The following MACROD2 variants were observed in gnomAD, a reference collection of about 807,000 sequenced individuals.
The protein encoded by MACROD2 is ADP-ribose glycohydrolase MACROD2.
MACROD2 carries 36 observed loss-of-function variants against 70.4 expected under a neutral mutation model. The observed-to-expected ratio is 0.51, with a 90% CI of 0.39 to 0.68. MACROD2 has a LOEUF of 0.68. Among genes scored for constraint, MACROD2 ranks in the 30% least tolerant of loss-of-function variants. The probability of loss-of-function intolerance (pLI) is 0.00; values close to 1 mark genes in which losing one functional copy is unlikely to be tolerated. For missense variants in MACROD2, 496 were observed against 538.4 expected (o/e 0.92, Z 0.78); for synonymous variants, 172 against 178.8 (o/e 0.96, Z 0.30).
At chr20:14,656,010 A>G (rs1415707608) in intron 4 of MACROD2, among the ~76,000 whole-genome samples, 2 of 152,212 alleles carry the variant, frequency 1.3e-5, no homozygotes, top group South Asian at 2.1e-4. Context: ...CGCCTTCTAT[A>G]AATGAGCAAA....
chr20:15,770,000 A>C (rs936023981), intron 8 of MACROD2, among the ~76,000 whole-genome samples: 1 of 151,712 alleles, frequency 6.6e-6, no homozygotes, highest in Non-Finnish European at 1.5e-5. Flanking sequence ...CCCCCCACAC[A>C]TAATGATGTG....
intron 2 of MACROD2, among the ~76,000 whole-genome samples, chr20:14,020,424 G>A (rs1331825814): frequency 6.6e-6 from 1 of 152,114 alleles, no homozygotes; most frequent in Non-Finnish European, 1.5e-5. Flanking sequence ...AGTGAGCCGA[G>A]ATCGCACCCT....
intron 5 of MACROD2, among the ~76,000 whole-genome samples, chr20:14,829,506 C>T (rs1379309625): frequency 6.6e-6 from 1 of 152,058 alleles, no homozygotes; most frequent in Non-Finnish European, 1.5e-5. Context: ...CTCAACACTA[C>T]TCATTTTTTC....
At chr20:14,445,683 C>T (rs1441616731) in intron 3 of MACROD2, among the ~76,000 whole-genome samples, 4 of 152,072 alleles carry the variant, frequency 2.6e-5, no homozygotes, top group Admixed American at 6.5e-5. Context: ...TTTCCTGTTT[C>T]CTTTTTAAAA....
intron 2 of MACROD2, among the ~76,000 whole-genome samples, chr20:14,008,552 G>C (rs112853079): frequency 0.019 from 2,914 of 151,950 alleles, 38 homozygotes; most frequent in Non-Finnish European, 0.032. Flanking sequence ...CCCAAAGCAG[G>C]GTATAGATTC....
rs79359681 is a variant in MACROD2, at chr20:15,467,859, G to A, written c.572-31915G>A. Among the ~76,000 whole-genome samples the A allele has an allele frequency of 7.5e-3, 1,136 of 152,258 alleles. 15 individuals are homozygous for A. Among genetic ancestry groups the A allele is most frequent in the African/African-American group, 0.025 (1,054 of 41,552 alleles). ...GAGAGGAGGCCCTCTGAGAACAGCA[G>A]ACTGCATTCTAATTTGTATGAAGTT... On this transcript the variant is annotated intron_variant, in intron 7 of 17. Coordinates refer to ENST00000684519, the MANE Select transcript of MACROD2 (RefSeq NM_001351661.2).
chr20:14,051,767 A>C (rs1280952447), intron 2 of MACROD2: 1 of 449,852 alleles, frequency 2.2e-6, no homozygotes, highest in South Asian at 1.6e-5. Context: ...ATTGATTAGT[A>C]TCAGAATAGT....
intron 6 of MACROD2, chr20:15,280,887 A>G (rs2077437877): frequency 6.6e-6 from 1 of 152,204 alleles, no homozygotes. Context: ...GTCTGTTCTC[A>G]TGCTGCTATA....
At chr20:14,163,286 G>T (rs2148719018) in intron 3 of MACROD2, among the ~76,000 whole-genome samples, 1 of 152,018 alleles carries the variant, frequency 6.6e-6, no homozygotes, top group South Asian at 2.1e-4. Context: ...AAACTCTTTT[G>T]ACCTGTAAGC....
intron 5 of MACROD2, among the ~76,000 whole-genome samples, chr20:15,142,986 C>A (rs2076203665): frequency 6.6e-6 from 1 of 152,040 alleles, no homozygotes; most frequent in African/African-American, 2.4e-5. Context: ...GTGCATGTGT[C>A]TTTATAGCAG....
intron 13 of MACROD2, among the ~76,000 whole-genome samples, chr20:15,982,168 C>T (rs1262381861): frequency 6.6e-5 from 10 of 152,090 alleles, no homozygotes; most frequent in Admixed American, 2.6e-4. Context: ...ACTTTAAAGA[C>T]TGTGATCATG....
chr20:15,633,374 A>G (rs1228849242), intron 8 of MACROD2, among the ~76,000 whole-genome samples: 1 of 152,226 alleles, frequency 6.6e-6, no homozygotes, highest in South Asian at 2.1e-4. Context: ...AGATATAAAT[A>G]ACAATGCCAG....
chr20:15,995,084 A>AT (rs11476031), intron 15 of MACROD2, among the ~76,000 whole-genome samples: 4 of 151,900 alleles, frequency 2.6e-5, no homozygotes, highest in Admixed American at 1.3e-4. Context: ...TAATTGAGTT[A>AT]TTTTTTTTCT....
chr20:15,536,667 G>A (rs1157414468), intron 8 of MACROD2, among the ~76,000 whole-genome samples: 1 of 152,142 alleles, frequency 6.6e-6, no homozygotes, highest in Non-Finnish European at 1.5e-5. Context: ...CTAAAGATTT[G>A]TTGATGGAAT....
At chr20:14,574,954 T>A (rs997594284) in intron 4 of MACROD2, among the ~76,000 whole-genome samples, 1 of 138,548 alleles carries the variant, frequency 7.2e-6, no homozygotes, top group Non-Finnish European at 1.5e-5. Context: ...GAGCTTGCAG[T>A]GAGCCGAGAT....
At chr20:14,423,915 A>G (rs2083905753) in intron 3 of MACROD2, among the ~76,000 whole-genome samples, 2 of 151,458 alleles carry the variant, frequency 1.3e-5, no homozygotes, top group African/African-American at 4.8e-5. Context: ...GGCATGTGCC[A>G]CCACACCCGG....
intron 15 of MACROD2, among the ~76,000 whole-genome samples, chr20:15,999,473 T>C (rs558099811): frequency 1.3e-5 from 2 of 152,316 alleles, no homozygotes; most frequent in South Asian, 4.1e-4. Flanking sequence ...GAATGTTAGG[T>C]GTCTGTTAGG....
Position 14,640,257 on chromosome 20 carries a change from T to C in MACROD2, c.302-44586T>C, listed in dbSNP as rs142173629. Among the ~76,000 whole-genome samples, 34 of 152,294 alleles carry C rather than the reference T, an allele frequency of 2.2e-4. No individual in the cohort carries two copies. In the East Asian group the frequency reaches 6.2e-3, roughly 28 times the overall value. ...AGTACTGATGGGTATAAGTGAAATA[T>C]TGAGATTTCTATAGCAACTGGAATC... On this transcript the variant is annotated intron_variant, in intron 4 of 17. Coordinates refer to ENST00000684519, the MANE Select transcript of MACROD2 (RefSeq NM_001351661.2).
intron 2 of MACROD2, among the ~76,000 whole-genome samples, chr20:14,037,012 T>C (rs2053320487): frequency 6.6e-6 from 1 of 152,242 alleles, no homozygotes; most frequent in African/African-American, 2.4e-5. Flanking sequence ...GTCTCTGTTT[T>C]TCCTCCTTGG....
Sources: allele counts gnomAD v4.1 joint callset (sites outside exome capture counted in the v4.1 genomes callset), GRCh38; gene constraint gnomAD v4.1.1; transcripts MANE v1.5; gene names NCBI Gene and HGNC (gene_info 2026-07-23, HGNC 2026-07-21).